The following PPIA variants were observed in gnomAD, a reference collection of about 807,000 sequenced individuals.
PPIA encodes the protein peptidyl-prolyl cis-trans isomerase A.
In PPIA, 2 loss-of-function variants were observed where a neutral mutation model predicts 15.3. The observed-to-expected ratio is 0.13, with a 90% CI of 0.05 to 0.41. The LOEUF (loss-of-function observed/expected upper bound fraction) is 0.41. Among genes scored for constraint, PPIA ranks in the 10% least tolerant of loss-of-function variants. The pLI is 0.99. For synonymous variants in PPIA, 67 were observed against 73.1 expected (o/e 0.92, Z 0.43); for missense variants, 103 against 210.3 (o/e 0.49, Z 3.16).
In PPIA at chr7:44,799,585, C is replaced by T. The variant is rs761376528; in HGVS notation, c.189+105C>T. The T allele has an allele frequency of 2.0e-4, 317 of 1,570,338 alleles. 1 individual carries two copies. The highest frequency in any genetic ancestry group is 2.3e-4 in the Non-Finnish European group (267 of 1,145,334). On this transcript the variant is annotated intron_variant, in intron 3 of 4. Coordinates refer to ENST00000468812, the MANE Select transcript of PPIA (RefSeq NM_021130.5). ...TATCTGAACTGTTACTCTACCATTT[C>T]GGTTCTATTTAACCCTTCTATTCAG... is the stretch of plus-strand genomic sequence containing the variant.
In PPIA at chr7:44,799,393, A is replaced by G. The variant is rs1466492623; in HGVS notation, c.102A>G (p.Glu34=). Residue 34 remains glutamate (E), a splice_region_variant and synonymous_variant, in exon 3 of 5, where the codon GAA becomes GAG. Coordinates refer to ENST00000468812, the MANE Select transcript of PPIA (RefSeq NM_021130.5). ...TGTGTTTAATTTTTTTTTAAACAGAAAATTTTCGTGCTCTGAGCACTGGAG... is the reference window on the plus strand; with the variant it reads ...TGTGTTTAATTTTTTTTTAAACAGAGAATTTTCGTGCTCTGAGCACTGGAG... ...LFADKVPKTA[E]NFRALSTGEK... is the part of the protein sequence containing the mutation. The G allele has an allele frequency of 1.9e-6, 3 of 1,612,248 alleles. No individual in the cohort carries two copies. The South Asian group carries it at 3.3e-5, about 18-fold the overall frequency.
chr7:44,801,059 C>T (rs184545266), intron 4 of PPIA, among the ~76,000 whole-genome samples: 10 of 151,868 alleles, frequency 6.6e-5, no homozygotes, highest in East Asian at 2.0e-4. Context: ...CCTCGTGATC[C>T]GCCCGCCTTG....
rs543664080 is a variant in PPIA at position 44,801,191 on chromosome 7, A to G, written c.363-96A>G. On this transcript the variant is annotated intron_variant, in intron 4 of 4. Transcript: ENST00000468812. The stretch of plus-strand genomic sequence containing the variant: ...TTAGTACAAAAGGCTTCAGTTAAAA[A>G]AAAAAAAAAAAGCTACCTTTCTCGT... 2,664 of 1,328,308 alleles carry G rather than the reference A, an allele frequency of 2.0e-3. 36 individuals are homozygous for G. The African/African-American group carries it at 0.035, about 18-fold the overall frequency. 82.3% of individuals were successfully genotyped at this position (1,328,308 alleles called of 1,614,324 possible). A position where few individuals can be genotyped will look rare whatever the true frequency, so the allele number is the denominator to read the frequency against.
Position 44,801,440 on chromosome 7 carries a change from T to C in PPIA, c.*18T>C. 6.6e-7 allele frequency: 1 copy of C among 1,505,400 alleles called. No individual in the cohort carries two copies. 93.3% of individuals were successfully genotyped at this position (1,505,400 alleles called of 1,614,324 possible). A position where few individuals can be genotyped will look rare whatever the true frequency, so the allele number is the denominator to read the frequency against. On this transcript the variant is annotated 3_prime_UTR_variant, in exon 5 of 5. Coordinates refer to ENST00000468812, the MANE Select transcript of PPIA (RefSeq NM_021130.5). ...TCGAATAAGTTTGACTTGTGTTTTATCTTAACCACCAGATCATTCCTTCTG... is the reference window on the plus strand; with the variant it reads ...TCGAATAAGTTTGACTTGTGTTTTACCTTAACCACCAGATCATTCCTTCTG...
intron 1 of PPIA, among the ~76,000 whole-genome samples, chr7:44,797,533 G>A (rs913537110): frequency 6.6e-6 from 1 of 152,106 alleles, no homozygotes; most frequent in Non-Finnish European, 1.5e-5. Context: ...CGGCGCTGGC[G>A]GGGGAGGCGC....
intron 1 of PPIA, among the ~76,000 whole-genome samples, chr7:44,797,641 C>T (rs1291848836): frequency 1.3e-5 from 2 of 152,178 alleles, no homozygotes; most frequent in African/African-American, 2.4e-5. Context: ...CAGTGATTAC[C>T]TAATTAGTTT....
At chr7:44,798,992 T>C in intron 1 of PPIA, 1 of 1,184,950 alleles carries the variant, frequency 8.4e-7, no homozygotes, top group South Asian at 2.4e-5. Flanking sequence ...ACTAAAAGTT[T>C]GAGACACTTT....
At position 44,796,784 on chromosome 7, in the gene PPIA, C is replaced by G. The variant is rs199576292; in HGVS notation, c.60C>G (p.Val20=). The part of the protein sequence containing the change: ...IAVDGEPLGR[V]SFELFADKVP... ...TCGACGGCGAGCCCTTGGGCCGCGT[C>G]TCCTTTGAGGTCGGGCGGGCGGCGG... The change falls in exon 1 of 5, where the codon GTC becomes GTG. Residue 20 remains valine, a synonymous_variant. Coordinates refer to ENST00000468812, the MANE Select transcript of PPIA (RefSeq NM_021130.5). The G allele has an allele frequency of 1.2e-5, 19 of 1,608,372 alleles. No homozygotes were observed. The highest frequency in any genetic ancestry group is 2.5e-6 in the Non-Finnish European group (3 of 1,178,164).
At chr7:44,800,397 G>GT (rs139479853) in intron 4 of PPIA, 1,862 of 90,960 alleles carry the variant, frequency 0.02, 69 homozygotes, top group African/African-American at 0.051. Flanking sequence ...CCAATTAAGT[G>GT]CTTTTTTTTT....
At chr7:44,797,083 G>A (rs1235662457) in intron 1 of PPIA, among the ~76,000 whole-genome samples, 1 of 152,202 alleles carries the variant, frequency 6.6e-6, no homozygotes, top group Non-Finnish European at 1.5e-5. Flanking sequence ...CCTGTCCGAC[G>A]CACGTGCTCG....
At chr7:44,799,127 A>G in intron 1 of PPIA, 120 bp from the exon 2 acceptor site, 1 of 1,254,640 alleles carries the variant, frequency 8.0e-7, no homozygotes, top group East Asian at 2.4e-5. Context: ...TGGGAATTAA[A>G]GTAATTACTG....
At chr7:44,798,563 T>A in intron 1 of PPIA, 1 of 204,358 alleles carries the variant, frequency 4.9e-6, no homozygotes, top group African/African-American at 2.4e-5. Flanking sequence ...TACTAGTAGT[T>A]AATTCAGTCA....
At chr7:44,797,056 A>T (rs911536161) in intron 1 of PPIA, among the ~76,000 whole-genome samples, 1 of 152,142 alleles carries the variant, frequency 6.6e-6, no homozygotes, top group Non-Finnish European at 1.5e-5. Context: ...CGCCCGCCTC[A>T]TGTGGCCGCG....
At position 44,799,554 on chromosome 7, in the gene PPIA, TAC is replaced by T. The variant is rs1583690924; in HGVS notation, c.189+78_189+79del. On this transcript the variant is annotated intron_variant, in intron 3 of 4. Transcript: ENST00000468812. The stretch of plus-strand genomic sequence containing the variant: ...GGGATTGAGCCAGAATATTTCAGGA[TAC>T]ACATATCTGAACTGTTACTCTACCA... 11 of 1,572,712 alleles carry T rather than the reference TAC, an allele frequency of 7.0e-6. No homozygotes were observed. The East Asian group carries it at 2.5e-4, about 35-fold the overall frequency.
chr7:44,797,928 C>T (rs1445681454), intron 1 of PPIA: 1 of 152,216 alleles, frequency 6.6e-6, no homozygotes, highest in Admixed American at 6.5e-5. Flanking sequence ...CTACCCTGTC[C>T]ATAGTGCCTG....
chr7:44,797,424 G>A (rs1200971481), intron 1 of PPIA, among the ~76,000 whole-genome samples: 2 of 152,166 alleles, frequency 1.3e-5, no homozygotes, highest in African/African-American at 4.8e-5. Context: ...ATTTATACAT[G>A]TGCCCCAAAC....
rs1348518653 is a variant in PPIA, at chr7:44,796,757, C to T, written c.33C>T (p.Ala11=). Residue 11 remains alanine, a synonymous_variant, in exon 1 of 5, where the codon GCC becomes GCT. Coordinates refer to ENST00000468812, the MANE Select transcript of PPIA (RefSeq NM_021130.5). ...ACCCCACCGTGTTCTTCGACATTGC[C>T]GTCGACGGCGAGCCCTTGGGCCGCG... The part of the protein sequence containing the change: MVNPTVFFDI[A]VDGEPLGRVS... The T allele has an allele frequency of 6.2e-7, 1 of 1,609,720 alleles. No individual in the cohort carries two copies. The highest frequency in any genetic ancestry group is 8.5e-7 in the Non-Finnish European group (1 of 1,178,604).
chr7:44,796,891 G>A, intron 1 of PPIA, 98 bp downstream of exon 1: 1 of 1,309,954 alleles, frequency 7.6e-7, no homozygotes, highest in Non-Finnish European at 1.0e-6. Context: ...GGGCGACCCT[G>A]CTTGAGGGGC....
At chr7:44,799,057 G>T in intron 1 of PPIA, 190 bp from the exon 2 acceptor site, 1 of 1,110,170 alleles carries the variant, frequency 9.0e-7, no homozygotes. Context: ...GCATGTCTTT[G>T]GGTTTCATGT....
Sources: gnomAD v4.1 joint callset for allele counts (sites outside exome capture counted in the v4.1 genomes callset) on GRCh38, gnomAD v4.1.1 for gene constraint, MANE v1.5 for transcripts, NCBI Gene and HGNC (gene_info 2026-07-23, HGNC 2026-07-21) for gene names.